Variants in CACNA1D observed in about 807,000 individuals in gnomAD.
The protein encoded by CACNA1D is voltage-dependent L-type calcium channel subunit alpha-1D.
CACNA1D carries 55 observed loss-of-function variants against 257.1 expected under a neutral mutation model. The observed-to-expected ratio is 0.21, with a 90% CI of 0.17 to 0.27. The LOEUF is 0.27. Among genes scored for constraint, CACNA1D ranks in the 10% least tolerant of loss-of-function variants. The pLI, the probability that CACNA1D is intolerant of heterozygous loss-of-function variation, is 1.00. For synonymous variants in CACNA1D, 980 were observed against 1,014.9 expected (o/e 0.97, Z 0.65); for missense variants, 1,876 against 2,784.0 (o/e 0.67, Z 7.34).
intron 9 of CACNA1D, among the ~76,000 whole-genome samples, chr3:53,705,548 A>T (rs1007417577): frequency 6.6e-6 from 1 of 152,142 alleles, no homozygotes; most frequent in South Asian, 2.1e-4. Flanking sequence ...CAGAATAGCA[A>T]ATATTTCTGT....
At chr3:53,721,989 T>G (rs888217545) in intron 11 of CACNA1D, among the ~76,000 whole-genome samples, 3 of 152,216 alleles carry the variant, frequency 2.0e-5, no homozygotes, top group Admixed American at 2.0e-4. Context: ...GTTTTGCATC[T>G]GCACGTGAAT....
intron 8 of CACNA1D, among the ~76,000 whole-genome samples, chr3:53,691,912 A>G (rs1409884615): frequency 2.5e-4 from 16 of 65,162 alleles, no homozygotes; most frequent in African/African-American, 6.0e-4. Flanking sequence ...TATATTATAT[A>G]TAATATATAT....
Position 53,776,594 on chromosome 3 carries a change from C to G in CACNA1D, c.4363-9C>G. On this transcript the variant is annotated splice_polypyrimidine_tract_variant and intron_variant, in intron 35 of 47. Coordinates refer to ENST00000350061, the MANE Select transcript of CACNA1D (RefSeq NM_001128840.3). The stretch of plus-strand genomic sequence containing the variant: ...GCTGAAGTTCTTCCTTTCCTATTTG[C>G]TTTTTCAGATCATCAATCTGTTTGT... 6.2e-7 allele frequency: 1 copy of G among 1,614,148 alleles called. No individual in the cohort carries two copies. The highest frequency in any genetic ancestry group is 8.5e-7 in the Non-Finnish European group (1 of 1,180,000).
intron 3 of CACNA1D, among the ~76,000 whole-genome samples, chr3:53,555,376 G>A (rs2092618959): frequency 6.6e-6 from 1 of 151,914 alleles, no homozygotes; most frequent in Non-Finnish European, 1.5e-5. Flanking sequence ...GTGTGAAAGT[G>A]GCTGTGGTTG....
chr3:53,788,016 C>T (rs2095464930), intron 40 of CACNA1D, among the ~76,000 whole-genome samples: 2 of 152,210 alleles, frequency 1.3e-5, no homozygotes, highest in Non-Finnish European at 2.9e-5. Context: ...GAGTCCTTCA[C>T]TCTTATCCAG....
chr3:53,670,519 A>G (rs769901185), intron 7 of CACNA1D, among the ~76,000 whole-genome samples: 5 of 151,842 alleles, frequency 3.3e-5, no homozygotes, highest in Non-Finnish European at 7.4e-5. Flanking sequence ...TAATTTTTGT[A>G]TTTTTAGTAG....
At chr3:53,691,585 AC>A (rs2094519669) in intron 8 of CACNA1D, among the ~76,000 whole-genome samples, 1 of 148,984 alleles carries the variant, frequency 6.7e-6, no homozygotes, top group East Asian at 1.9e-4. Context: ...CTATCCTCAA[AC>A]AAGGAGATAC....
chr3:53,731,926 G>A, intron 17 of CACNA1D, 90 bp from the exon 18 acceptor site: 1 of 828,260 alleles, frequency 1.2e-6, no homozygotes, highest in East Asian at 2.4e-5. Context: ...AGGAATCCAT[G>A]CCCTATGCTG....
At chr3:53,574,036 G>A (rs534278081) in intron 3 of CACNA1D, among the ~76,000 whole-genome samples, 2 of 152,180 alleles carry the variant, frequency 1.3e-5, no homozygotes, top group East Asian at 3.9e-4. Context: ...GAGGCCCAGG[G>A]GGTCCTTTCC....
intron 3 of CACNA1D, among the ~76,000 whole-genome samples, chr3:53,627,960 G>A (rs2093778764): frequency 6.6e-6 from 1 of 151,948 alleles, no homozygotes. Context: ...CGGAGGTTGT[G>A]GTGGCCCTGA....
At chr3:53,618,768 G>A (rs1026263825) in intron 3 of CACNA1D, among the ~76,000 whole-genome samples, 22 of 152,276 alleles carry the variant, frequency 1.4e-4, no homozygotes, top group African/African-American at 5.1e-4. Flanking sequence ...TCTGTCTGGC[G>A]CTTTATCATC....
chr3:53,589,387 T>A (rs1250926692), intron 3 of CACNA1D, among the ~76,000 whole-genome samples: 1 of 152,106 alleles, frequency 6.6e-6, no homozygotes, highest in Admixed American at 6.5e-5. Flanking sequence ...GTCCCGAGTG[T>A]GTGGCTGTCC....
At chr3:53,606,884 C>T (rs1429465466) in intron 3 of CACNA1D, among the ~76,000 whole-genome samples, 2 of 152,194 alleles carry the variant, frequency 1.3e-5, no homozygotes, top group Admixed American at 6.5e-5. Flanking sequence ...AGATTAGATT[C>T]ATCTTTTTAC....
intron 38 of CACNA1D, 117 bp from the exon 39 acceptor site, chr3:53,781,448 GC>G: frequency 1.4e-6 from 1 of 726,768 alleles, no homozygotes; most frequent in Non-Finnish European, 2.5e-6. Flanking sequence ...TGGGAGTGGA[GC>G]CCCATCAGAG....
At chr3:53,645,455 A>G (rs75994340) in intron 3 of CACNA1D, among the ~76,000 whole-genome samples, 1,956 of 152,244 alleles carry the variant, frequency 0.013, 39 homozygotes, top group African/African-American at 0.045. Flanking sequence ...TTAGGTCTTA[A>G]TGTTTAAGTC....
intron 3 of CACNA1D, among the ~76,000 whole-genome samples, chr3:53,512,571 G>A (rs904500120): frequency 7.2e-5 from 11 of 152,126 alleles, no homozygotes; most frequent in African/African-American, 2.4e-4. Flanking sequence ...CCTGCCCTGG[G>A]TTACACAGTG....
intron 3 of CACNA1D, among the ~76,000 whole-genome samples, chr3:53,569,919 T>G (rs1031858527): frequency 1.3e-5 from 2 of 152,206 alleles, no homozygotes; most frequent in Non-Finnish European, 2.9e-5. Flanking sequence ...TGGGAGAAAT[T>G]ACATGCTGAA....
chr3:53,701,894 A>T (rs2094629262), intron 8 of CACNA1D, among the ~76,000 whole-genome samples: 1 of 152,206 alleles, frequency 6.6e-6, no homozygotes, highest in African/African-American at 2.4e-5. Context: ...GTGTTCCTAT[A>T]AATGGGCAGA....
At chr3:53,672,637 C>T (rs1559496531) in intron 7 of CACNA1D, among the ~76,000 whole-genome samples, 2 of 152,138 alleles carry the variant, frequency 1.3e-5, no homozygotes, top group African/African-American at 2.4e-5. Flanking sequence ...TGTCCTCTAC[C>T]AAGACCTTTC....
Sources: gnomAD v4.1 joint callset for allele counts (sites outside exome capture counted in the v4.1 genomes callset) on GRCh38, gnomAD v4.1.1 for gene constraint, MANE v1.5 for transcripts, NCBI Gene and HGNC (gene_info 2026-07-23, HGNC 2026-07-21) for gene names.